STXBP5L: variants seen among roughly 807,000 people sequenced by gnomAD.
STXBP5L encodes the protein syntaxin-binding protein 5-like.
In STXBP5L, 65 loss-of-function variants were observed where a neutral mutation model predicts 144.5. The ratio of observed to expected loss-of-function variants is 0.45; its 90% confidence interval spans 0.37 to 0.55. STXBP5L has a LOEUF of 0.55. STXBP5L is among the 20% of genes least tolerant of loss of function. STXBP5L has a pLI of 0.00. For synonymous variants in STXBP5L, 505 were observed against 469.6 expected (o/e 1.08, Z -0.97); for missense variants, 1,298 against 1,405.5 (o/e 0.92, Z 1.22).
intron 7 of STXBP5L, among the ~76,000 whole-genome samples, chr3:121,125,325 A>G (rs2044656899): frequency 6.6e-6 from 1 of 152,086 alleles, no homozygotes; most frequent in Admixed American, 6.6e-5. Context: ...ACAAAAAATT[A>G]GCCTTGTGTG....
At chr3:121,344,058 T>C (rs1576229752) in intron 20 of STXBP5L, among the ~76,000 whole-genome samples, 1 of 151,712 alleles carries the variant, frequency 6.6e-6, no homozygotes, top group Non-Finnish European at 1.5e-5. Flanking sequence ...GAGATATAGA[T>C]CAATGGAACA....
At chr3:120,975,857 T>A (rs985920161) in intron 3 of STXBP5L, among the ~76,000 whole-genome samples, 6 of 152,036 alleles carry the variant, frequency 3.9e-5, no homozygotes, top group Non-Finnish European at 8.8e-5. Context: ...TATTGATTTG[T>A]GTATATTGAA....
intron 5 of STXBP5L, among the ~76,000 whole-genome samples, chr3:121,080,189 C>A (rs547299657): frequency 6.6e-6 from 1 of 152,086 alleles, no homozygotes; most frequent in Non-Finnish European, 1.5e-5. Context: ...ATGTTTCCAG[C>A]TCTTTACCTT....
intron 3 of STXBP5L, among the ~76,000 whole-genome samples, chr3:120,963,355 G>C (rs1209404498): frequency 6.6e-6 from 1 of 152,158 alleles, no homozygotes; most frequent in East Asian, 1.9e-4. Flanking sequence ...TCTTGTACCA[G>C]TTTTCAAAGG....
intron 3 of STXBP5L, among the ~76,000 whole-genome samples, chr3:120,978,406 A>G (rs1032748877): frequency 1.3e-5 from 2 of 152,064 alleles, no homozygotes; most frequent in Admixed American, 1.3e-4. Context: ...CAGCTCCTTT[A>G]AGCACTTCTC....
intron 22 of STXBP5L, among the ~76,000 whole-genome samples, chr3:121,387,101 CG>C (rs2108693459): frequency 6.6e-6 from 1 of 152,304 alleles, no homozygotes; most frequent in African/African-American, 2.4e-5. Flanking sequence ...GCCATTCTAA[CG>C]GGTGTGAGAT....
intron 3 of STXBP5L, among the ~76,000 whole-genome samples, chr3:120,961,589 C>T (rs747567964): frequency 3.9e-5 from 6 of 152,162 alleles, no homozygotes; most frequent in Admixed American, 1.3e-4. Flanking sequence ...CATGTCCCTG[C>T]GAAGGGCTAG....
chr3:121,286,094 T>A (rs1264103870), intron 19 of STXBP5L, among the ~76,000 whole-genome samples: 6 of 152,190 alleles, frequency 3.9e-5, no homozygotes, highest in Non-Finnish European at 7.4e-5. Context: ...AAAAGTAGGC[T>A]TAATGTAGAG....
At chr3:121,230,970 CATTAGATTACCT>C (rs2108309741) in intron 11 of STXBP5L, among the ~76,000 whole-genome samples, 1 of 152,268 alleles carries the variant, frequency 6.6e-6, no homozygotes, top group South Asian at 2.1e-4. Context: ...CTCTTTTCTA[CATTAGATTACCT>C]AAGGTTCCTA....
chr3:120,923,703 G>A lies in STXBP5L; in HGVS notation c.189+13936G>A, dbSNP rs143165721. 1.3e-3 allele frequency among the ~76,000 whole-genome samples: 200 copies of A among 152,038 alleles called. 2 individuals carry two copies. Among genetic ancestry groups the A allele is most frequent in the Non-Finnish European group, 1.1e-3 (74 of 67,888 alleles). The stretch of plus-strand genomic sequence containing the variant: ...ATTCCATTGTGATCATAAAAGATAT[G>A]TCATATGATTTTTACTTTCTTGAAT... On this transcript the variant is annotated intron_variant, in intron 2 of 26. Coordinates refer to ENST00000471454, the MANE Select transcript of STXBP5L (RefSeq NM_001308330.2).
At chr3:121,386,564 C>A (rs1443785618) in intron 22 of STXBP5L, among the ~76,000 whole-genome samples, 1 of 152,100 alleles carries the variant, frequency 6.6e-6, no homozygotes, top group Non-Finnish European at 1.5e-5. Flanking sequence ...GTCCCCACCC[C>A]CCGACAGGTC....
At chr3:120,958,641 C>T (rs1938336450) in intron 3 of STXBP5L, among the ~76,000 whole-genome samples, 1 of 152,002 alleles carries the variant, frequency 6.6e-6, no homozygotes, top group East Asian at 1.9e-4. Flanking sequence ...TAAACAGAAC[C>T]AAAGACAAAA....
intron 20 of STXBP5L, among the ~76,000 whole-genome samples, chr3:121,338,984 G>A (rs972852038): frequency 5.9e-5 from 9 of 151,964 alleles, no homozygotes; most frequent in African/African-American, 1.7e-4. Flanking sequence ...AAGAATTGGC[G>A]CCAATTTTGC....
At chr3:121,308,148 A>C (rs1029575494) in intron 19 of STXBP5L, among the ~76,000 whole-genome samples, 1 of 152,204 alleles carries the variant, frequency 6.6e-6, no homozygotes, top group Non-Finnish European at 1.5e-5. Flanking sequence ...TAACTAATGC[A>C]TGTGGGGCTT....
intron 2 of STXBP5L, among the ~76,000 whole-genome samples, chr3:120,943,943 T>C (rs553364664): frequency 6.6e-6 from 1 of 151,616 alleles, no homozygotes; most frequent in East Asian, 1.9e-4. Context: ...ATGTTTAACA[T>C]ATTGAAAGAT....
At chr3:121,359,333 C>A (rs780992562) in intron 20 of STXBP5L, among the ~76,000 whole-genome samples, 2 of 151,848 alleles carry the variant, frequency 1.3e-5, no homozygotes, top group Non-Finnish European at 2.9e-5. Flanking sequence ...TTGTTTTGAG[C>A]TTTTTATATA....
chr3:120,951,836 C>T (rs914314631), intron 2 of STXBP5L, among the ~76,000 whole-genome samples: 2 of 152,070 alleles, frequency 1.3e-5, no homozygotes, highest in Admixed American at 6.6e-5. Context: ...AATCATGCTG[C>T]TATAAAGACA....
intron 3 of STXBP5L, among the ~76,000 whole-genome samples, chr3:121,022,339 C>G (rs1041466242): frequency 4.6e-5 from 7 of 152,062 alleles, no homozygotes; most frequent in African/African-American, 1.7e-4. Flanking sequence ...CAGCTGTATT[C>G]TATGAGACAA....
intron 9 of STXBP5L, among the ~76,000 whole-genome samples, chr3:121,191,808 T>C (rs538659542): frequency 1.8e-4 from 28 of 152,214 alleles, no homozygotes; most frequent in South Asian, 1.2e-3. Context: ...GGGACATGGA[T>C]GAAGCTGGAA....
Sources: allele counts gnomAD v4.1 joint callset (sites outside exome capture counted in the v4.1 genomes callset), GRCh38; gene constraint gnomAD v4.1.1; transcripts MANE v1.5; gene names NCBI Gene and HGNC (gene_info 2026-07-23, HGNC 2026-07-21).